The following POLR1A variants were observed in gnomAD, a reference collection of about 807,000 sequenced individuals.
POLR1A encodes DNA-directed RNA polymerase I subunit RPA1.
Under a neutral mutation model 205.3 loss-of-function variants are expected in POLR1A, and 84 were observed. The observed-to-expected ratio is 0.41, with a 90% CI of 0.34 to 0.49. POLR1A has a LOEUF of 0.49. Among genes scored for constraint, POLR1A ranks in the 20% least tolerant of loss-of-function variants. POLR1A has a pLI of 0.22. For synonymous variants in POLR1A, 799 were observed against 863.7 expected, an observed-to-expected ratio of 0.93 and a Z score of 1.31; for missense variants, 1,645 against 2,204.5, an observed-to-expected ratio of 0.75 and a Z score of 5.08.
In POLR1A at chr2:86,040,506, T is replaced by C. The variant is rs2104388139; in HGVS notation, c.3626A>G (p.Glu1209Gly). The C allele has an allele frequency of 6.2e-7, 1 of 1,611,046 alleles. No individual in the cohort carries two copies. Among genetic ancestry groups the C allele is most frequent in the East Asian group, 2.2e-5 (1 of 44,786 alleles). Residue 1209 changes from glutamate (E) to glycine (G), a missense_variant, in exon 25 of 34, where the codon GAG (glutamate) becomes GGG (glycine). Transcript: ENST00000263857. The stretch of plus-strand genomic sequence containing the variant: ...CTGGGCAGCCAGCAGGCCCACAGCC[T>C]CGCCCGGCTCACACAGTGAGCGCTG... ...KWQRSLCEPG[E>G]AVGLLAAQSI...
chr2:86,041,072 G>A (rs921692239), intron 24 of POLR1A, among the ~76,000 whole-genome samples: 1 of 151,972 alleles, frequency 6.6e-6, no homozygotes, highest in African/African-American at 2.4e-5. Flanking sequence ...CATGCCGCAC[G>A]ATTCTGTAAT....
chr2:86,040,518 C>T lies in POLR1A; in HGVS notation c.3614G>A (p.Cys1205Tyr). The T allele has an allele frequency of 1.2e-6, 2 of 1,606,870 alleles. No homozygotes were observed. The highest frequency in any genetic ancestry group is 1.7e-6 in the Non-Finnish European group (2 of 1,176,564). ...LLQLKWQRSL[C>Y]EPGEAVGLLA... The stretch of plus-strand genomic sequence containing the variant: ...CAGGCCCACAGCCTCGCCCGGCTCA[C>T]ACAGTGAGCGCTGCCACTTCAGCTG... The change falls in exon 25 of 34, where the codon TGT becomes TAT. Residue 1205 changes from cysteine (C) to tyrosine (Y), a missense_variant. By Grantham distance (194) the Cys-to-Tyr change is radical. Around this residue, in one of 16 missense-constraint regions of POLR1A, gnomAD observed 201 missense variants for 222.3 expected, o/e 0.90. Coordinates refer to ENST00000263857, the MANE Select transcript of POLR1A (RefSeq NM_015425.6).
rs1573796707 is a variant in POLR1A, at chr2:86,025,144, A to C, written c.*2279T>G. 1.3e-5 allele frequency: 2 copies of C among 152,110 alleles called. No individual in the cohort carries two copies. The highest frequency in any genetic ancestry group is 3.8e-4 in the East Asian group (2 of 5,202). The allele number at this position is 152,110 out of a possible 1,614,324, so 9.4% of individuals were successfully genotyped here. ...AAGTGCAAAAGTGCATCTCAAAAAAAGAACTCACAGCTCTCATGAAAAGTT... is the reference window on the plus strand; with the variant it reads ...AAGTGCAAAAGTGCATCTCAAAAAACGAACTCACAGCTCTCATGAAAAGTT... On this transcript the variant is annotated 3_prime_UTR_variant, in exon 34 of 34. Transcript: ENST00000263857.
intron 6 of POLR1A, 45 bp from the exon 7 acceptor site, chr2:86,083,213 G>T: frequency 7.6e-7 from 1 of 1,309,830 alleles, no homozygotes; most frequent in Non-Finnish European, 1.1e-6. Context: ...TCAGAAACAG[G>T]TACTCTTTCT....
chr2:86,031,023 T>C (rs1331809435), intron 30 of POLR1A, among the ~76,000 whole-genome samples: 2 of 152,200 alleles, frequency 1.3e-5, no homozygotes, highest in African/African-American at 2.4e-5. Flanking sequence ...TAGATCAGTC[T>C]TGTGTGTCTT....
chr2:86,095,026 T>A (rs922800545), intron 3 of POLR1A, among the ~76,000 whole-genome samples: 1 of 152,208 alleles, frequency 6.6e-6, no homozygotes, highest in East Asian at 1.9e-4. Flanking sequence ...CAAATGAACA[T>A]CCTCCTTACC....
At chr2:86,059,956 A>C (rs1672967216) in intron 14 of POLR1A, among the ~76,000 whole-genome samples, 1 of 152,164 alleles carries the variant, frequency 6.6e-6, no homozygotes, top group African/African-American at 2.4e-5. Flanking sequence ...TTTATCAATA[A>C]ACTTGTTTAC....
intron 2 of POLR1A, 42 bp from the exon 3 acceptor site, chr2:86,098,802 A>G: frequency 6.3e-7 from 1 of 1,599,676 alleles, no homozygotes. Flanking sequence ...TTAGAAAGAG[A>G]CACAGTAGCC....
chr2:86,088,620 T>C lies in POLR1A; in HGVS notation c.676A>G (p.Thr226Ala). Residue 226 changes from threonine (T) to alanine (A), a missense_variant, in exon 6 of 34, where the codon ACG becomes GCG. Physicochemically the swap from Thr to Ala is moderately conservative, Grantham distance 58 (BLOSUM62 0). Transcript: ENST00000263857. ...GTCCTGTGCACCATGGCTGGAAACG[T>C]GATAGTCAACTTGCTGTTGTGTTCC... The part of the protein sequence containing the change: ...RKEHNSKLTI[T>A]FPAMVHRTAG... 1 of 1,614,030 alleles carries C rather than the reference T, an allele frequency of 6.2e-7. No individual in the cohort carries two copies. The highest frequency in any genetic ancestry group is 8.5e-7 in the Non-Finnish European group (1 of 1,179,888).
Position 86,096,723 on chromosome 2 carries a change from T to G in POLR1A, c.432+1888A>C, listed in dbSNP as rs190343531. On this transcript the variant is annotated intron_variant, in intron 3 of 33. Transcript: ENST00000263857. ...ATGCTGGGAAAACTAGATATCCATA[T>G]GCAGAAGAATGAAACTAGATCTCCA... is the stretch of plus-strand genomic sequence containing the variant. 2.8e-3 allele frequency among the ~76,000 whole-genome samples: 425 copies of G among 152,278 alleles called. 8 individuals are homozygous for G. The highest frequency in any genetic ancestry group is 0.023 in the Admixed American group (357 of 15,282).
At chr2:86,105,593 A>C in intron 1 of POLR1A, 107 bp downstream of exon 1, 1 of 713,574 alleles carries the variant, frequency 1.4e-6, no homozygotes, top group East Asian at 2.7e-5. Context: ...GCGCCAGACA[A>C]GCCTGGACTC....
chr2:86,045,113 G>A (rs573506985), intron 21 of POLR1A, among the ~76,000 whole-genome samples, 165 bp downstream of exon 21: 36 of 152,330 alleles, frequency 2.4e-4, no homozygotes, highest in Middle Eastern at 3.4e-3. Context: ...CCGATCCTGC[G>A]AAGGGGAACA....
rs970652946 is a variant in POLR1A at position 86,080,878 on chromosome 2, G to T, written c.1024C>A (p.Leu342Met). 2 of 1,614,176 alleles carry T rather than the reference G, an allele frequency of 1.2e-6. No individual in the cohort carries two copies. Among genetic ancestry groups the T allele is most frequent in the Non-Finnish European group, 1.7e-6 (2 of 1,180,002 alleles). Residue 342 changes from leucine (L) to methionine (M), a missense_variant, in exon 9 of 34, where the codon CTG (leucine) becomes ATG (methionine). Coordinates refer to ENST00000263857, the MANE Select transcript of POLR1A (RefSeq NM_015425.6). The part of the protein sequence containing the change: ...MKDVVLIRKL[L>M]ALMAQEQKLP... The stretch of plus-strand genomic sequence containing the variant: ...TTCTGTTCTTGGGCCATCAATGCCA[G>T]AAGTTTTCGAATCAGAACTACATCC...
Position 86,088,638 on chromosome 2 carries a change from T to C in POLR1A, c.658A>G (p.Asn220Asp). Residue 220 changes from asparagine (N) to aspartate (D), a missense_variant, in exon 6 of 34, where the codon AAC (asparagine) becomes GAC (aspartate). Physicochemically the swap from Asn to Asp is conservative, Grantham distance 23 (BLOSUM62 1). This residue lies in a region of POLR1A where 330 missense variants were observed against 375.6 expected (regional missense o/e 0.88). Transcript: ENST00000263857. ...GGAAACGTGATAGTCAACTTGCTGT[T>C]GTGTTCCTTTCGGACAACGGATCGC... Reference protein sequence around the residue: ...TGRSVVRKEHNSKLTITFPAM... With the variant: ...TGRSVVRKEHDSKLTITFPAM... 1 of 1,614,094 alleles carries C rather than the reference T, an allele frequency of 6.2e-7. No homozygotes were observed. The highest frequency in any genetic ancestry group is 8.5e-7 in the Non-Finnish European group (1 of 1,179,904).
intron 16 of POLR1A, among the ~76,000 whole-genome samples, chr2:86,050,906 C>G (rs1672790750): frequency 6.6e-6 from 1 of 152,148 alleles, no homozygotes; most frequent in South Asian, 2.1e-4. Flanking sequence ...AGAAGTGGCT[C>G]AGGTCTCTTA....
At chr2:86,060,652 C>G (rs1348161714) in intron 14 of POLR1A, among the ~76,000 whole-genome samples, 1 of 152,130 alleles carries the variant, frequency 6.6e-6, no homozygotes, top group Non-Finnish European at 1.5e-5. Context: ...TGACTCTTGA[C>G]CCCTACCTCA....
chr2:86,102,313 T>A (rs1242920044), intron 1 of POLR1A, among the ~76,000 whole-genome samples: 1 of 152,254 alleles, frequency 6.6e-6, no homozygotes, highest in Admixed American at 6.5e-5. Flanking sequence ...ACTTTCTGTT[T>A]TTCTGATAGT....
Position 86,039,434 on chromosome 2 carries a change from C to T in POLR1A, c.3769G>A (p.Ala1257Thr), listed in dbSNP as rs760716048. 56 of 1,613,996 alleles carry T rather than the reference C, an allele frequency of 3.5e-5. 2 individuals are homozygous for T. The South Asian group carries it at 4.1e-4, about 12-fold the overall frequency. Reference protein sequence around the residue: ...RLREILMVASANIKTPMMSVP... With the variant: ...RLREILMVASTNIKTPMMSVP... Reference sequence around the variant, plus strand: ...CTCATCATGGGTGTCTTGATGTTGGCGCTGGCCACCATGAGAATCTCCCGC... The same window carrying T: ...CTCATCATGGGTGTCTTGATGTTGGTGCTGGCCACCATGAGAATCTCCCGC... The change falls in exon 26 of 34, where the codon GCC (alanine) becomes ACC (threonine). Residue 1257 changes from alanine (A) to threonine (T), a missense_variant. Physicochemically the swap from Ala to Thr is moderately conservative, Grantham distance 58. This residue lies in a region of POLR1A where 394 missense variants were observed against 468.5 expected (regional missense o/e 0.84). Transcript: ENST00000263857.
At chr2:86,105,361 C>T (rs928553576) in intron 1 of POLR1A, among the ~76,000 whole-genome samples, 4 of 152,192 alleles carry the variant, frequency 2.6e-5, no homozygotes, top group Non-Finnish European at 5.9e-5. Context: ...AAACTTACTA[C>T]GTGCCTAATT....
Sources: allele counts gnomAD v4.1 joint callset (sites outside exome capture counted in the v4.1 genomes callset), GRCh38; gene constraint gnomAD v4.1.1; regional missense constraint gnomAD v4.1.1; transcripts MANE v1.5; gene names NCBI Gene and HGNC (gene_info 2026-07-23, HGNC 2026-07-21).